IGSF10: variants seen among roughly 807,000 people sequenced by gnomAD.
IGSF10 encodes immunoglobulin superfamily member 10, also known as calvaria mechanical force protein 608.
A neutral mutation model predicts 128.2 loss-of-function variants in IGSF10; 126 were observed. The observed-to-expected ratio is 0.98, with a 90% CI of 0.85 to 1.14. The LOEUF (loss-of-function observed/expected upper bound fraction) is 1.14, where lower values mean the gene tolerates loss of function less well. Among genes scored for constraint, IGSF10 ranks in the 50% most tolerant of loss-of-function variants. IGSF10 has a pLI of 0.00. For synonymous variants in IGSF10, 1,185 were observed against 1,146.2 expected, an observed-to-expected ratio of 1.03 and a Z score of -0.68; for missense variants, 3,295 against 3,149.8, an observed-to-expected ratio of 1.05 and a Z score of -1.10.
At chr3:151,471,648 G>T in the IGSF10 span, among the ~76,000 whole-genome samples, 1 of 152,308 alleles carries the variant, frequency 6.6e-6, no homozygotes, top group Non-Finnish European at 1.5e-5. Flanking sequence ...AACTATGAGG[G>T]TTTTTCACAT....
At chr3:151,528,976 C>T in the IGSF10 span, among the ~76,000 whole-genome samples, 3 of 152,072 alleles carry the variant, frequency 2.0e-5, no homozygotes, top group Non-Finnish European at 4.4e-5. Context: ...CATACCAGCA[C>T]AGCAGTCTGA....
chr3:151,523,620 A>G, the IGSF10 span, among the ~76,000 whole-genome samples: 1 of 152,350 alleles, frequency 6.6e-6, no homozygotes, highest in Non-Finnish European at 1.5e-5. Context: ...CCATATGCAG[A>G]AGATTGAAGC....
the IGSF10 span, among the ~76,000 whole-genome samples, chr3:151,479,808 A>T: frequency 6.6e-6 from 1 of 152,218 alleles, no homozygotes; most frequent in Non-Finnish European, 1.5e-5. Flanking sequence ...TAAATATGGA[A>T]TATAATTTAT....
At chr3:151,516,041 C>T in the IGSF10 span, among the ~76,000 whole-genome samples, 1 of 152,052 alleles carries the variant, frequency 6.6e-6, no homozygotes, top group Non-Finnish European at 1.5e-5. Flanking sequence ...TTTCATGGTT[C>T]ACTGACTGAG....
At chr3:151,454,001 A>G in intron 4 of IGSF10, among the ~76,000 whole-genome samples, 1 of 146,188 alleles carries the variant, frequency 6.8e-6, no homozygotes, top group East Asian at 2.0e-4. Context: ...AGATATATAT[A>G]TTTCTTTTTT....
At chr3:151,479,980 T>C in the IGSF10 span, among the ~76,000 whole-genome samples, 1 of 151,530 alleles carries the variant, frequency 6.6e-6, no homozygotes, top group Non-Finnish European at 1.5e-5. Flanking sequence ...ATTACTTTTA[T>C]CACACTTTTT....
upstream of IGSF10, among the ~76,000 whole-genome samples, chr3:151,464,422 T>C (rs1251903120): frequency 6.6e-6 from 1 of 152,228 alleles, no homozygotes; most frequent in Non-Finnish European, 1.5e-5. Flanking sequence ...CATTATTTGC[T>C]GTCTTTTCTA....
chr3:151,540,645 C>T, the IGSF10 span, among the ~76,000 whole-genome samples: 1 of 152,174 alleles, frequency 6.6e-6, no homozygotes, highest in African/African-American at 2.4e-5. Flanking sequence ...CTTCTGTTGA[C>T]TCTATGCCTA....
chr3:151,463,244 A>G (rs1722129137), upstream of IGSF10, among the ~76,000 whole-genome samples: 1 of 152,110 alleles, frequency 6.6e-6, no homozygotes, highest in South Asian at 2.1e-4. Context: ...ATTATTAGAA[A>G]CCTGAGTCAT....
chr3:151,611,357 T>C, the IGSF10 span, among the ~76,000 whole-genome samples: 1 of 152,224 alleles, frequency 6.6e-6, no homozygotes, highest in Non-Finnish European at 1.5e-5. Flanking sequence ...TTATTATTTG[T>C]ACAATTTGAA....
chr3:151,553,255 CTTTCCTTTA>C, the IGSF10 span, among the ~76,000 whole-genome samples: 1 of 152,136 alleles, frequency 6.6e-6, no homozygotes, highest in East Asian at 1.9e-4. Context: ...GTGAAATTTA[CTTTCCTTTA>C]TTTCAGCAAA....
the IGSF10 span, among the ~76,000 whole-genome samples, chr3:151,467,606 C>T: frequency 6.6e-6 from 1 of 152,054 alleles, no homozygotes; most frequent in Non-Finnish European, 1.5e-5. Context: ...ATGGCTGAGC[C>T]GGGCGCGGTG....
At chr3:151,536,272 T>A in the IGSF10 span, among the ~76,000 whole-genome samples, 2 of 152,272 alleles carry the variant, frequency 1.3e-5, no homozygotes, top group East Asian at 3.9e-4. Context: ...GCTGCGTGGA[T>A]GTGAAGGTAG....
At chr3:151,470,974 A>G in the IGSF10 span, among the ~76,000 whole-genome samples, 1 of 152,190 alleles carries the variant, frequency 6.6e-6, no homozygotes, top group Non-Finnish European at 1.5e-5. Flanking sequence ...TCTCTGCCCA[A>G]TGATGGTGAA....
chr3:151,511,998 C>A, the IGSF10 span, among the ~76,000 whole-genome samples: 38 of 152,132 alleles, frequency 2.5e-4, no homozygotes, highest in Non-Finnish European at 3.7e-4. Flanking sequence ...GACTTAGACT[C>A]CCACACCATA....
At chr3:151,542,823 T>C in the IGSF10 span, among the ~76,000 whole-genome samples, 1 of 152,196 alleles carries the variant, frequency 6.6e-6, no homozygotes, top group Non-Finnish European at 1.5e-5. Flanking sequence ...TTATATACTT[T>C]TGTCTTGTTA....
the IGSF10 span, among the ~76,000 whole-genome samples, chr3:151,614,007 A>G: frequency 6.6e-6 from 1 of 152,202 alleles, no homozygotes; most frequent in Non-Finnish European, 1.5e-5. Flanking sequence ...AAAAGTGGGC[A>G]AAGGATATGA....
chr3:151,594,557 G>A, the IGSF10 span, among the ~76,000 whole-genome samples: 3 of 150,610 alleles, frequency 2.0e-5, no homozygotes, highest in Admixed American at 2.0e-4. Flanking sequence ...TCCTGACCTC[G>A]TGATCCGCCT....
the IGSF10 span, among the ~76,000 whole-genome samples, chr3:151,488,685 C>T: frequency 7.2e-4 from 110 of 152,298 alleles, 1 homozygote; most frequent in Middle Eastern, 3.4e-3. Context: ...CTACAACCAT[C>T]TGATCTTTGA....
Sources: gnomAD v4.1 joint callset for allele counts (sites outside exome capture counted in the v4.1 genomes callset) on GRCh38, gnomAD v4.1.1 for gene constraint, MANE v1.5 for transcripts, NCBI Gene and HGNC (gene_info 2026-07-23, HGNC 2026-07-21) for gene names.